The following SMOX variants were observed in gnomAD, a reference collection of about 807,000 sequenced individuals.
SMOX encodes flavin containing amine oxidase.
A neutral mutation model predicts 51.0 loss-of-function variants in SMOX; 22 were observed. The ratio of observed to expected loss-of-function variants is 0.43; its 90% CI spans 0.31 to 0.62. SMOX has a LOEUF of 0.62. SMOX is among the 20% of genes least tolerant of loss of function. The pLI, the probability that SMOX is intolerant of heterozygous loss-of-function variation, is 0.10. For missense variants in SMOX, 566 were observed against 777.7 expected (o/e 0.73, Z 3.24); for synonymous variants, 282 against 307.8 (o/e 0.92, Z 0.88).
intron 3 of SMOX, among the ~76,000 whole-genome samples, chr20:4,178,616 TC>T (rs1979068844): frequency 6.6e-6 from 1 of 152,158 alleles, no homozygotes; most frequent in African/African-American, 2.4e-5. Flanking sequence ...TAATGAATGA[TC>T]CTTCACTCCA....
rs527739520 is a variant in SMOX at position 4,167,395 on chromosome 20, A to T, written c.-26-7635A>T. 6.6e-6 allele frequency among the ~76,000 whole-genome samples: 1 copy of T among 152,240 alleles called. No homozygotes were observed. The highest frequency in any genetic ancestry group is 2.1e-4 in the South Asian group (1 of 4,818). On this transcript the variant is annotated intron_variant, in intron 1 of 6. Coordinates refer to ENST00000305958, the MANE Select transcript of SMOX (RefSeq NM_175839.3). The surrounding 1 kb of genome is among the most constrained non-coding windows in gnomAD (Gnocchi z 4.8). ...TCCTCCCTCTCCCGCCCTCTCCGAG[A>T]TGACCTTTGCAGTGGCCACACCTTT... is the stretch of plus-strand genomic sequence containing the variant.
rs548406883 is a variant in SMOX at position 4,152,778 on chromosome 20, G to A, written c.-27+3801G>A. Reference sequence around the variant, plus strand: ...TGCTCTTAACAGCTCTATAAGGTAGGTCTTATTCCCATTTTACAGCTGGGA... The same window carrying A: ...TGCTCTTAACAGCTCTATAAGGTAGATCTTATTCCCATTTTACAGCTGGGA... On this transcript the variant is annotated intron_variant, in intron 1 of 6. Coordinates refer to ENST00000305958, the MANE Select transcript of SMOX (RefSeq NM_175839.3). Among the ~76,000 whole-genome samples, 5 of 152,338 alleles carry A rather than the reference G, an allele frequency of 3.3e-5. No individual in the cohort carries two copies. In the South Asian group the frequency reaches 8.3e-4, roughly 25 times the overall value.
At chr20:4,175,905 T>C in intron 2 of SMOX, 2 of 70,186 alleles carry the variant, frequency 2.8e-5, no homozygotes, top group Admixed American at 3.0e-4. Context: ...GGGGAGGGGG[T>C]GGGGGGGGGA....
In SMOX at chr20:4,177,649, C is replaced by A; in HGVS notation, c.435+72C>A. On this transcript the variant is annotated intron_variant, in intron 3 of 6. Coordinates refer to ENST00000305958, the MANE Select transcript of SMOX (RefSeq NM_175839.3). The surrounding 1 kb of genome is among the most constrained non-coding windows in gnomAD (Gnocchi z 4.3). Reference sequence around the variant, plus strand: ...GGGAGGTCTGTGATTCTGGTCGTGTCTCTGCACACTCCCTGGGCCTTGCAT... The same window carrying A: ...GGGAGGTCTGTGATTCTGGTCGTGTATCTGCACACTCCCTGGGCCTTGCAT... 2 of 1,367,284 alleles carry A rather than the reference C, an allele frequency of 1.5e-6. No homozygotes were observed. Among genetic ancestry groups the A allele is most frequent in the Non-Finnish European group, 2.0e-6 (2 of 990,608 alleles). The allele number at this position is 1,367,284 out of a possible 1,614,324, so 84.7% of individuals were successfully genotyped here.
Position 4,170,374 on chromosome 20 carries a change from C to T in SMOX, c.-26-4656C>T, listed in dbSNP as rs191316535. On this transcript the variant is annotated intron_variant, in intron 1 of 6. Coordinates refer to ENST00000305958, the MANE Select transcript of SMOX (RefSeq NM_175839.3). This position sits in a 1 kb window ranked among gnomAD's most constrained non-coding sequence, Gnocchi z 4.6. ...CTGTTTAGTTCTGGGCATTTCCAGG[C>T]GGGGCTTGGCAGGGTCAGACGTTGG... is the stretch of plus-strand genomic sequence containing the variant. Among the ~76,000 whole-genome samples, 358 of 152,200 alleles carry T rather than the reference C, an allele frequency of 2.4e-3. No individual in the cohort carries two copies. Among genetic ancestry groups the T allele is most frequent in the African/African-American group, 7.9e-3 (330 of 41,534 alleles).
At chr20:4,158,199 G>A (rs944345843) in intron 1 of SMOX, among the ~76,000 whole-genome samples, 25 of 152,156 alleles carry the variant, frequency 1.6e-4, no homozygotes, top group African/African-American at 5.3e-4. Context: ...AGCGCCGGTC[G>A]GGGTGTGGTA....
chr20:4,181,893 G>A lies in SMOX; in HGVS notation c.526G>A (p.Val176Met). ...CGTGGGGGTGTTCACCCGAGAGGAGGTGCGTAACCGCATCAGGAATGACCC... is the reference window on the plus strand; with the variant it reads ...CGTGGGGGTGTTCACCCGAGAGGAGATGCGTAACCGCATCAGGAATGACCC... ...NSVGVFTREE[V>M]RNRIRNDPDD... Residue 176 changes from valine (V) to methionine (M), a missense_variant, in exon 4 of 7, where the codon GTG (valine) becomes ATG (methionine). Physicochemically the swap from Val to Met is conservative, Grantham distance 21. Coordinates refer to ENST00000305958, the MANE Select transcript of SMOX (RefSeq NM_175839.3). This position sits in a 1 kb window ranked among gnomAD's most constrained non-coding sequence, Gnocchi z 5.6. The A allele has an allele frequency of 1.2e-6, 2 of 1,614,186 alleles. No homozygotes were observed. The highest frequency in any genetic ancestry group is 1.7e-6 in the Non-Finnish European group (2 of 1,180,030).
In SMOX at chr20:4,182,633, A is replaced by C; in HGVS notation, c.1154A>C (p.Gln385Pro). ...PFWGPECNSL[Q>P]FVWEDEAESH... ...TGGGGCCCTGAGTGCAACAGCCTAC[A>C]GTTTGTGTGGGAGGACGAAGCAGAG... The change falls in exon 5 of 7, where the codon CAG (glutamine) becomes CCG (proline). Residue 385 changes from glutamine (Q) to proline (P), a missense_variant. This residue lies in a region of SMOX where 347 missense variants were observed against 481.8 expected (regional missense o/e 0.72). Coordinates refer to ENST00000305958, the MANE Select transcript of SMOX (RefSeq NM_175839.3). The surrounding 1 kb of genome is among the most constrained non-coding windows in gnomAD (Gnocchi z 8.4). 6.2e-7 allele frequency: 1 copy of C among 1,613,922 alleles called. No homozygotes were observed. The highest frequency in any genetic ancestry group is 8.5e-7 in the Non-Finnish European group (1 of 1,179,972).
intron 1 of SMOX, among the ~76,000 whole-genome samples, 174 bp from the exon 2 acceptor site, chr20:4,174,856 C>G (rs1037579341): frequency 7.7e-6 from 1 of 130,676 alleles, no homozygotes; most frequent in Non-Finnish European, 1.7e-5. Context: ...CCATCCCTCC[C>G]TGCCCCTTTG....
Position 4,183,654 on chromosome 20 carries a change from G to A in SMOX, c.1530G>A (p.Ala510=), listed in dbSNP as rs1474310927. 4.5e-6 allele frequency: 7 copies of A among 1,563,056 alleles called. No individual in the cohort carries two copies. Among genetic ancestry groups the A allele is most frequent in the Middle Eastern group, 1.7e-4 (1 of 5,762 alleles). Residue 510 remains alanine, a splice_region_variant and synonymous_variant, in exon 6 of 7, where the codon GCG becomes GCA. Coordinates refer to ENST00000305958, the MANE Select transcript of SMOX (RefSeq NM_175839.3). The surrounding 1 kb of genome is among the most constrained non-coding windows in gnomAD (Gnocchi z 4.3). ...PLPYTESSKT[A]PMQVLFSGEA... Reference sequence around the variant, plus strand: ...CGTACACAGAGAGCTCAAAGACAGCGGTAAGCGGGGCGTTTGGGGTGAGGA... The same window carrying A: ...CGTACACAGAGAGCTCAAAGACAGCAGTAAGCGGGGCGTTTGGGGTGAGGA...
At position 4,177,684 on chromosome 20, in the gene SMOX, C is replaced by A. The variant is rs1023255567; in HGVS notation, c.435+107C>A. 4.0e-6 allele frequency: 4 copies of A among 1,011,212 alleles called. No homozygotes were observed. The African/African-American group carries it at 6.4e-5, about 16-fold the overall frequency. 62.6% of individuals were successfully genotyped at this position (1,011,212 alleles called of 1,614,324 possible). A position where few individuals can be genotyped will look rare whatever the true frequency, so the allele number is the denominator to read the frequency against. ...TCCCTGGGCCTTGCATTTGGAAAAC[C>A]AGGATAATGTGAGGGTAAAATGAAA... On this transcript the variant is annotated intron_variant, in intron 3 of 6. Coordinates refer to ENST00000305958, the MANE Select transcript of SMOX (RefSeq NM_175839.3). The surrounding 1 kb of genome is among the most constrained non-coding windows in gnomAD (Gnocchi z 4.3).
intron 1 of SMOX, among the ~76,000 whole-genome samples, chr20:4,173,489 TG>T (rs1446120061): frequency 6.6e-6 from 1 of 152,166 alleles, no homozygotes; most frequent in African/African-American, 2.4e-5. Context: ...GATAGACCCG[TG>T]GGGTGTTTTT....
intron 1 of SMOX, among the ~76,000 whole-genome samples, chr20:4,156,058 A>C (rs1444810050): frequency 6.6e-6 from 1 of 152,152 alleles, no homozygotes; most frequent in South Asian, 2.1e-4. Flanking sequence ...TGTTCTGCGC[A>C]ATCTCAAGCG....
chr20:4,183,222 A>T lies in SMOX; in HGVS notation c.1370-272A>T. The stretch of plus-strand genomic sequence containing the variant: ...GGACCTCACGAGAACCCCCGATATT[A>T]GGCGGGGAAACATGATTATGTGTCA... On this transcript the variant is annotated intron_variant, in intron 5 of 6. Coordinates refer to ENST00000305958, the MANE Select transcript of SMOX (RefSeq NM_175839.3). This position sits in a 1 kb window ranked among gnomAD's most constrained non-coding sequence, Gnocchi z 4.3. The T allele has an allele frequency of 1.7e-6, 1 of 574,354 alleles. No individual in the cohort carries two copies. Among genetic ancestry groups the T allele is most frequent in the Non-Finnish European group, 3.1e-6 (1 of 324,046 alleles). The allele number at this position is 574,354 out of a possible 1,614,324, so 35.6% of individuals were successfully genotyped here.
rs774238731 is a variant in SMOX, at chr20:4,177,596, A to G, written c.435+19A>G. Reference sequence around the variant, plus strand: ...CAACGAGGTAAGGTGTGAGCAGAGTAGCTGGGCGTAAGGGCATGGGGAGAC... The same window carrying G: ...CAACGAGGTAAGGTGTGAGCAGAGTGGCTGGGCGTAAGGGCATGGGGAGAC... On this transcript the variant is annotated intron_variant, in intron 3 of 6. Transcript: ENST00000305958. The surrounding 1 kb of genome is among the most constrained non-coding windows in gnomAD (Gnocchi z 4.3). 6.4e-7 allele frequency: 1 copy of G among 1,564,320 alleles called. No individual in the cohort carries two copies. The highest frequency in any genetic ancestry group is 1.3e-5 in the African/African-American group (1 of 74,272).
rs6139341 is a variant in SMOX at position 4,165,334 on chromosome 20, C to G, written c.-26-9696C>G. Among the ~76,000 whole-genome samples, 9 of 152,156 alleles carry G rather than the reference C, an allele frequency of 5.9e-5. No individual in the cohort carries two copies. In the East Asian group the frequency reaches 7.7e-4, roughly 13 times the overall value. ...CTCCCAAAGTGCTGGGATTACAGGC[C>G]TGAGCCACCGCACCCGGCCCTAGCT... On this transcript the variant is annotated intron_variant, in intron 1 of 6. Transcript: ENST00000305958.
intron 3 of SMOX, among the ~76,000 whole-genome samples, chr20:4,180,073 G>A (rs1395464466): frequency 2.0e-5 from 3 of 152,146 alleles, no homozygotes; most frequent in African/African-American, 7.2e-5. Flanking sequence ...GTTGCTTATC[G>A]CCCAAGGGAA....
At chr20:4,173,356 G>A (rs990052601) in intron 1 of SMOX, among the ~76,000 whole-genome samples, 1 of 152,180 alleles carries the variant, frequency 6.6e-6, no homozygotes, top group African/African-American at 2.4e-5. Context: ...TTTGCTCAGT[G>A]CGTGATTGAG....
rs1313753233 is a variant in SMOX at position 4,167,996 on chromosome 20, G to T, written c.-26-7034G>T. 1.3e-5 allele frequency among the ~76,000 whole-genome samples: 2 copies of T among 152,004 alleles called. No individual in the cohort carries two copies. Among genetic ancestry groups the T allele is most frequent in the East Asian group, 3.9e-4 (2 of 5,194 alleles). ...TGAAGAATAATTGCATTGTCTGGGG[G>T]GCCTCAAGAATCCAAATCCCTCCCC... is the stretch of plus-strand genomic sequence containing the variant. On this transcript the variant is annotated intron_variant, in intron 1 of 6. Transcript: ENST00000305958. The surrounding 1 kb of genome is among the most constrained non-coding windows in gnomAD (Gnocchi z 4.8).
Sources: gnomAD v4.1 joint callset for allele counts (sites outside exome capture counted in the v4.1 genomes callset) on GRCh38, gnomAD v4.1.1 for gene constraint, gnomAD v4.1.1 regional missense constraint, Gnocchi (gnomAD v3.1) non-coding constraint, MANE v1.5 for transcripts, NCBI Gene and HGNC (gene_info 2026-07-23, HGNC 2026-07-21) for gene names.